The following PCDHGB1 variants were observed in gnomAD, a reference collection of about 807,000 sequenced individuals.
The protein encoded by PCDHGB1 is protocadherin gamma subfamily B, 1.
PCDHGB1 carries 34 observed loss-of-function variants against 56.6 expected under a neutral mutation model. The observed-to-expected ratio is 0.60, with a 90% confidence interval of 0.46 to 0.80. The LOEUF (loss-of-function observed/expected upper bound fraction) is 0.80. Ranked by LOEUF, PCDHGB1 falls within the 30% of genes least tolerant of loss-of-function variation. The pLI is 0.00. For synonymous variants in PCDHGB1, 561 were observed against 505.9 expected (o/e 1.11, Z -1.46); for missense variants, 1,278 against 1,204.6 (o/e 1.06, Z -0.90).
At chr5:141,363,620 A>G (rs779987029) in intron 1 of PCDHGB1, among the ~76,000 whole-genome samples, 3 of 152,264 alleles carry the variant, frequency 2.0e-5, no homozygotes, top group Admixed American at 1.3e-4. Context: ...TAGTGGAGAG[A>G]CTTTCTCAAA....
rs1289333371 is a variant in PCDHGB1, at chr5:141,460,404, G to C, written c.2410-34403G>C. Among the ~76,000 whole-genome samples, 21 of 152,038 alleles carry C rather than the reference G, an allele frequency of 1.4e-4. 1 individual carries two copies. The highest frequency in any genetic ancestry group is 1.4e-3 in the Admixed American group (21 of 15,256). Reference sequence around the variant, plus strand: ...TATAATTTGGTCTATGAATCCTTTTGAGTTGATGTTTATGTATGGTGTATG... The same window carrying C: ...TATAATTTGGTCTATGAATCCTTTTCAGTTGATGTTTATGTATGGTGTATG... On this transcript the variant is annotated intron_variant, in intron 1 of 3. Transcript: ENST00000523390.
chr5:141,501,500 C>G (rs1385290676), intron 2 of PCDHGB1, among the ~76,000 whole-genome samples: 1 of 151,934 alleles, frequency 6.6e-6, no homozygotes, highest in Non-Finnish European at 1.5e-5. Context: ...GCTGCTGGGG[C>G]TCCAAGGCCT....
chr5:141,486,345 A>C lies in PCDHGB1; in HGVS notation c.2410-8462A>C. On this transcript the variant is annotated intron_variant, in intron 1 of 3. Coordinates refer to ENST00000523390, the MANE Select transcript of PCDHGB1 (RefSeq NM_018922.3). This position sits in a 1 kb window ranked among gnomAD's most constrained non-coding sequence, Gnocchi z 5.0. Reference sequence around the variant, plus strand: ...GGAGATGTGAGCCTCCGCATTCCTGACCACTTGCCATTTGCCCTCAAGTCT... The same window carrying C: ...GGAGATGTGAGCCTCCGCATTCCTGCCCACTTGCCATTTGCCCTCAAGTCT... The C allele has an allele frequency of 6.2e-7, 1 of 1,613,940 alleles. No homozygotes were observed. The highest frequency in any genetic ancestry group is 8.5e-7 in the Non-Finnish European group (1 of 1,179,986).
At chr5:141,424,491 G>T (rs2096824224) in intron 1 of PCDHGB1, 1 of 152,122 alleles carries the variant, frequency 6.6e-6, no homozygotes, top group South Asian at 2.1e-4. Context: ...GTCTGTGTTT[G>T]TATGTATGGA....
At chr5:141,371,158 T>C in intron 1 of PCDHGB1, 1 of 1,614,040 alleles carries the variant, frequency 6.2e-7, no homozygotes, top group Non-Finnish European at 8.5e-7. Context: ...GCAGAGAACC[T>C]GCCCGCTGGC....
chr5:141,434,474 A>G (rs979175338), intron 1 of PCDHGB1, among the ~76,000 whole-genome samples: 2 of 152,222 alleles, frequency 1.3e-5, no homozygotes, highest in Non-Finnish European at 2.9e-5. Context: ...GAATGAGGGC[A>G]AGGAACACCT....
intron 1 of PCDHGB1, chr5:141,418,363 C>T (rs147423305): frequency 4.4e-4 from 703 of 1,613,984 alleles, no homozygotes; most frequent in Non-Finnish European, 5.5e-4. Flanking sequence ...ATTCGCTGAG[C>T]AAATACCAAC....
chr5:141,449,724 A>AT (rs911465424), intron 1 of PCDHGB1, among the ~76,000 whole-genome samples: 1 of 151,176 alleles, frequency 6.6e-6, no homozygotes, highest in African/African-American at 2.4e-5. Context: ...ATATGATATG[A>AT]TTTTTTTATG....
At chr5:141,482,602 C>T (rs2099569087) in intron 1 of PCDHGB1, among the ~76,000 whole-genome samples, 1 of 142,506 alleles carries the variant, frequency 7.0e-6, no homozygotes, top group Non-Finnish European at 1.5e-5. Flanking sequence ...CGGGAAAAAA[C>T]ACCTAAATGA....
rs777487681 is a variant in PCDHGB1, at chr5:141,432,809, T to C, written c.2410-61998T>C. 2.5e-6 allele frequency: 4 copies of C among 1,613,280 alleles called. No individual in the cohort carries two copies. In the African/African-American group the frequency reaches 5.4e-5, roughly 22 times the overall value. The stretch of plus-strand genomic sequence containing the variant: ...CGGCAGCCTCGAGTCTCCAGCTAAC[T>C]CTGAAACCTCAGACCTCACTCTGTA... On this transcript the variant is annotated intron_variant, in intron 1 of 3. Coordinates refer to ENST00000523390, the MANE Select transcript of PCDHGB1 (RefSeq NM_018922.3). The surrounding 1 kb of genome is among the most constrained non-coding windows in gnomAD (Gnocchi z 6.0).
intron 1 of PCDHGB1, chr5:141,433,151 G>T (rs2097572071): frequency 1.2e-6 from 2 of 1,614,006 alleles, no homozygotes; most frequent in African/African-American, 1.3e-5. Context: ...AGGTGATTCG[G>T]TATTTTCTAA....
intron 1 of PCDHGB1, chr5:141,412,431 G>GTTAA (rs1478574285): frequency 6.6e-6 from 1 of 152,132 alleles, no homozygotes; most frequent in African/African-American, 2.4e-5. Context: ...ACACAAAAAG[G>GTTAA]TTAATTAAGG....
intron 1 of PCDHGB1, chr5:141,360,527 C>G (rs763036184): frequency 1.2e-6 from 2 of 1,613,910 alleles, no homozygotes; most frequent in East Asian, 4.5e-5. Context: ...GATAATACCC[C>G]GCTATTCAAA....
intron 1 of PCDHGB1, chr5:141,421,344 G>A: frequency 6.2e-7 from 1 of 1,613,976 alleles, no homozygotes; most frequent in Non-Finnish European, 8.5e-7. Context: ...TGCCAGAAGA[G>A]ACCGAAAAGG....
Position 141,351,082 on chromosome 5 carries a change from C to T in PCDHGB1, c.822C>T (p.Ile274=), listed in dbSNP as rs774889812. The change falls in exon 1 of 4, where the codon ATC becomes ATT. Residue 274 remains isoleucine (I), a synonymous_variant. Transcript: ENST00000523390. ...AGGATGAGGGCATTAATGCAGAGAT[C>T]ACCTATGCCTTCCTCAATTCCCCAA... ...TDQDEGINAE[I]TYAFLNSPIS... 5 of 1,614,062 alleles carry T rather than the reference C, an allele frequency of 3.1e-6. No homozygotes were observed. In the South Asian group the frequency reaches 5.5e-5, roughly 18 times the overall value.
chr5:141,408,144 G>C (rs868032463), intron 1 of PCDHGB1: 4 of 1,496,186 alleles, frequency 2.7e-6, no homozygotes, highest in East Asian at 2.5e-5. Context: ...CTTTTAGCGC[G>C]GTAGAGTGCA....
chr5:141,350,135 C>A lies in PCDHGB1; in HGVS notation c.-126C>A. The A allele has an allele frequency of 1.3e-6, 1 of 753,636 alleles. No individual in the cohort carries two copies. The highest frequency in any genetic ancestry group is 1.9e-6 in the Non-Finnish European group (1 of 512,846). The allele number at this position is 753,636 out of a possible 1,614,324, so 46.7% of individuals were successfully genotyped here. On this transcript the variant is annotated 5_prime_UTR_variant, in exon 1 of 4. In the 5' UTR this introduces an upstream ATG that the reference lacks. Transcript: ENST00000523390. Reference sequence around the variant, plus strand: ...TTGTCCGGTGCACTGAGCACAGACGCTGCTCCTGTTCACCCTCGAGCGCCT... The same window carrying A: ...TTGTCCGGTGCACTGAGCACAGACGATGCTCCTGTTCACCCTCGAGCGCCT...
Position 141,431,412 on chromosome 5 carries a change from GC to G in PCDHGB1, c.2410-63394del. ...CTGGTCCTTACGGCCTCCGACGGGG[GC>G]GACCCGGTGCGCACAGGCACCGCGC... On this transcript the variant is annotated intron_variant, in intron 1 of 3. Coordinates refer to ENST00000523390, the MANE Select transcript of PCDHGB1 (RefSeq NM_018922.3). The surrounding 1 kb of genome is among the most constrained non-coding windows in gnomAD (Gnocchi z 4.8). The G allele has an allele frequency of 6.2e-7, 1 of 1,613,714 alleles. No homozygotes were observed. Among genetic ancestry groups the G allele is most frequent in the Non-Finnish European group, 8.5e-7 (1 of 1,180,050 alleles).
intron 1 of PCDHGB1, chr5:141,410,156 C>T: frequency 6.2e-7 from 1 of 1,613,514 alleles, no homozygotes; most frequent in Non-Finnish European, 8.5e-7. Context: ...CGGTGGACAG[C>T]CGCCACTCTC....
Sources: gnomAD v4.1 joint callset for allele counts (sites outside exome capture counted in the v4.1 genomes callset) on GRCh38, gnomAD v4.1.1 for gene constraint, Gnocchi (gnomAD v3.1) non-coding constraint, MANE v1.5 for transcripts, NCBI Gene and HGNC (gene_info 2026-07-23, HGNC 2026-07-21) for gene names.